Variants in NAT1 observed in about 807,000 individuals in gnomAD.
NAT1 encodes N-acetyltransferase 1.
For missense variants in NAT1, 400 were observed against 339.2 expected (o/e 1.18, Z -1.41); for synonymous variants, 144 against 122.6 (o/e 1.17, Z -1.16).
chr8:18,193,357 C>T (rs1803093944), intron 2 of NAT1, among the ~76,000 whole-genome samples: 1 of 149,844 alleles, frequency 6.7e-6, no homozygotes, highest in Non-Finnish European at 1.5e-5. Context: ...ACTTGGGAGG[C>T]AAGGCAGGAA....
At chr8:18,215,178 T>C (rs1001311317) in intron 1 of NAT1, among the ~76,000 whole-genome samples, 1 of 152,240 alleles carries the variant, frequency 6.6e-6, no homozygotes, top group African/African-American at 2.4e-5. Context: ...CCATGGTGTA[T>C]AAGTGCCACA....
chr8:18,191,898 C>G (rs1206230453), intron 2 of NAT1, among the ~76,000 whole-genome samples: 1 of 152,144 alleles, frequency 6.6e-6, no homozygotes, highest in African/African-American at 2.4e-5. Context: ...AGAAGAAGAC[C>G]TAGGCATTAC....
chr8:18,218,001 A>G (rs992188034), intron 1 of NAT1, among the ~76,000 whole-genome samples: 2 of 152,078 alleles, frequency 1.3e-5, no homozygotes, highest in Admixed American at 6.6e-5. Context: ...TTTTCCCTAT[A>G]TCTGTATTGA....
intron 2 of NAT1, among the ~76,000 whole-genome samples, chr8:18,176,755 T>A (rs987410561): frequency 6.6e-6 from 1 of 152,020 alleles, no homozygotes; most frequent in South Asian, 2.1e-4. Context: ...TATAAAAAAA[T>A]AACATTGAAA....
At position 18,180,836 on chromosome 8, in the gene NAT1, G is replaced by T. The variant is rs553222563; in HGVS notation, n.92+10097G>T. ...GCTGGGAATAGTGGATTTATTTCTGGATTCTTTGTTCTGCTCCATTAGTCT... is the reference window on the plus strand; with the variant it reads ...GCTGGGAATAGTGGATTTATTTCTGTATTCTTTGTTCTGCTCCATTAGTCT... On this transcript the variant is annotated intron_variant and non_coding_transcript_variant, in intron 2 of 4. Coordinates refer to the NAT1 transcript ENST00000517441. 3.7e-4 allele frequency among the ~76,000 whole-genome samples: 56 copies of T among 152,096 alleles called. 1 individual carries two copies. Among genetic ancestry groups the T allele is most frequent in the African/African-American group, 1.3e-3 (52 of 41,532 alleles).
At chr8:18,212,035 A>T (rs1346840616) in intron 1 of NAT1, among the ~76,000 whole-genome samples, 1 of 152,024 alleles carries the variant, frequency 6.6e-6, no homozygotes, top group Non-Finnish European at 1.5e-5. Flanking sequence ...TAATTCTTCT[A>T]TGTTGGGCTC....
At chr8:18,211,927 G>A (rs1804148607) in intron 1 of NAT1, among the ~76,000 whole-genome samples, 1 of 152,204 alleles carries the variant, frequency 6.6e-6, no homozygotes, top group South Asian at 2.1e-4. Context: ...AGGCGTAGAT[G>A]ATTTTATCTC....
intron 2 of NAT1, among the ~76,000 whole-genome samples, chr8:18,203,132 A>G (rs1589089538): frequency 6.6e-6 from 1 of 152,184 alleles, no homozygotes; most frequent in African/African-American, 2.4e-5. Flanking sequence ...AGCTCTCACT[A>G]TAAGATCTGC....
chr8:18,204,724 A>G (rs1177783021), intron 2 of NAT1, among the ~76,000 whole-genome samples: 2 of 152,240 alleles, frequency 1.3e-5, no homozygotes, highest in Non-Finnish European at 2.9e-5. Context: ...ATGGTAGTCA[A>G]TATACATAAT....
At chr8:18,172,833 G>A (rs1802147035) in intron 2 of NAT1, among the ~76,000 whole-genome samples, 1 of 152,056 alleles carries the variant, frequency 6.6e-6, no homozygotes, top group African/African-American at 2.4e-5. Context: ...TCTAGACGGA[G>A]CAAATTATAC....
At chr8:18,180,427 C>T (rs1181246200) in intron 2 of NAT1, among the ~76,000 whole-genome samples, 2 of 151,744 alleles carry the variant, frequency 1.3e-5, no homozygotes, top group Non-Finnish European at 2.9e-5. Context: ...AACAAAGAAA[C>T]AAAGATCTAT....
At chr8:18,205,743 G>C (rs1803687348), upstream of NAT1, among the ~76,000 whole-genome samples, 2 of 152,324 alleles carry the variant, frequency 1.3e-5, no homozygotes, top group South Asian at 4.1e-4. Context: ...ATGCAGGCTG[G>C]TGCGTAGGCA....
At chr8:18,214,494 G>A (rs140746197) in intron 1 of NAT1, among the ~76,000 whole-genome samples, 1 of 152,132 alleles carries the variant, frequency 6.6e-6, no homozygotes, top group African/African-American at 2.4e-5. Context: ...TTGCTGTCCT[G>A]ATGTTTTCTC....
chr8:18,205,000 C>T (rs1339547343), intron 2 of NAT1, among the ~76,000 whole-genome samples: 1 of 152,176 alleles, frequency 6.6e-6, no homozygotes, highest in Non-Finnish European at 1.5e-5. Context: ...GGGGACTTGC[C>T]TTGATCCCTG....
At chr8:18,203,705 A>G (rs768294611) in intron 2 of NAT1, among the ~76,000 whole-genome samples, 21 of 152,204 alleles carry the variant, frequency 1.4e-4, no homozygotes, top group Non-Finnish European at 2.5e-4. Context: ...TAAGACCCAA[A>G]TGGGCCCTAC....
chr8:18,210,949 A>G (rs1049765074), intron 1 of NAT1, among the ~76,000 whole-genome samples: 2 of 151,878 alleles, frequency 1.3e-5, no homozygotes, highest in East Asian at 1.9e-4. Flanking sequence ...TAATTTTTCT[A>G]TTTTTAGTAG....
intron 2 of NAT1, among the ~76,000 whole-genome samples, chr8:18,183,012 T>C (rs1414801255): frequency 6.6e-6 from 1 of 152,160 alleles, no homozygotes; most frequent in African/African-American, 2.4e-5. Context: ...ATTTTTGTCT[T>C]AGTCTATTTT....
chr8:18,195,476 CA>C (rs1167464626), intron 2 of NAT1, among the ~76,000 whole-genome samples: 1 of 151,906 alleles, frequency 6.6e-6, no homozygotes, highest in Non-Finnish European at 1.5e-5. Context: ...AATAGCTGGA[CA>C]AAGGAAGAAA....
chr8:18,193,167 C>T (rs1435934428), intron 2 of NAT1, among the ~76,000 whole-genome samples: 2 of 145,818 alleles, frequency 1.4e-5, no homozygotes, highest in Non-Finnish European at 3.0e-5. Context: ...TAGCCTTGAC[C>T]TCCTGGGCTC....
Sources: allele counts gnomAD v4.1 joint callset (sites outside exome capture counted in the v4.1 genomes callset), GRCh38; gene constraint gnomAD v4.1.1; transcripts MANE v1.5; gene names NCBI Gene and HGNC (gene_info 2026-07-23, HGNC 2026-07-21).